The following SPATA17 variants were observed in gnomAD, a reference collection of about 807,000 sequenced individuals.
SPATA17 encodes the protein spermatogenesis associated 17.
Under a neutral mutation model 62.2 loss-of-function variants are expected in SPATA17, and 53 were observed. The observed-to-expected ratio is 0.85, with a 90% CI of 0.68 to 1.07. SPATA17 has a LOEUF of 1.07. Ranked by LOEUF, SPATA17 falls within the 50% of genes least tolerant of loss-of-function variation. The pLI is 0.00. For synonymous variants in SPATA17, 146 were observed against 146.8 expected (o/e 0.99, Z 0.04); for missense variants, 466 against 425.5 (o/e 1.10, Z -0.84).
intron 5 of SPATA17, among the ~76,000 whole-genome samples, chr1:217,729,867 T>TA (rs527852795): frequency 1.5e-3 from 227 of 152,230 alleles, no homozygotes; most frequent in African/African-American, 4.9e-3. Flanking sequence ...TCAAAATATT[T>TA]AAAAACAAAA....
intron 9 of SPATA17, among the ~76,000 whole-genome samples, chr1:217,860,586 A>C (rs1403349638): frequency 6.6e-6 from 1 of 152,116 alleles, no homozygotes; most frequent in Non-Finnish European, 1.5e-5. Flanking sequence ...CTTTATTACT[A>C]TATAATGCTC....
intron 5 of SPATA17, among the ~76,000 whole-genome samples, chr1:217,721,163 G>C (rs902775234): frequency 6.6e-6 from 1 of 152,070 alleles, no homozygotes; most frequent in Non-Finnish European, 1.5e-5. Context: ...GCTGGCACTG[G>C]CATGGGAGAG....
chr1:217,782,108 T>G, intron 7 of SPATA17, 66 bp from the exon 8 acceptor site: 1 of 1,449,408 alleles, frequency 6.9e-7, no homozygotes, highest in Non-Finnish European at 9.2e-7. Flanking sequence ...TTCACTAGCC[T>G]TGGTCATCAG....
At chr1:217,839,503 G>GT (rs1447515875) in intron 9 of SPATA17, among the ~76,000 whole-genome samples, 2 of 151,798 alleles carry the variant, frequency 1.3e-5, no homozygotes, top group East Asian at 3.9e-4. Context: ...TCTGTAATTG[G>GT]TTTTTTCCCT....
intron 9 of SPATA17, among the ~76,000 whole-genome samples, chr1:217,822,785 A>AT (rs35554409): frequency 1.3e-5 from 2 of 149,900 alleles, no homozygotes; most frequent in East Asian, 2.0e-4. Context: ...TCTGTTTTCT[A>AT]TTTTTTTTAT....
chr1:217,757,942 T>A (rs1673086841), intron 6 of SPATA17, among the ~76,000 whole-genome samples: 1 of 152,206 alleles, frequency 6.6e-6, no homozygotes, highest in African/African-American at 2.4e-5. Flanking sequence ...AATATTCTGG[T>A]TGATCTTCCA....
chr1:217,696,587 C>T (rs1300073791), intron 5 of SPATA17, among the ~76,000 whole-genome samples: 5 of 152,134 alleles, frequency 3.3e-5, no homozygotes, highest in African/African-American at 1.2e-4. Flanking sequence ...TATGTTGTTT[C>T]TTGTAAGATT....
chr1:217,748,021 T>A (rs1273833930), intron 6 of SPATA17, among the ~76,000 whole-genome samples: 1 of 152,138 alleles, frequency 6.6e-6, no homozygotes, highest in Non-Finnish European at 1.5e-5. Flanking sequence ...AAATTAAACT[T>A]GGCCGGGCGC....
chr1:217,703,563 A>G (rs1486908388), intron 5 of SPATA17, among the ~76,000 whole-genome samples: 1 of 152,218 alleles, frequency 6.6e-6, no homozygotes, highest in Non-Finnish European at 1.5e-5. Flanking sequence ...TAGTATCTTT[A>G]CATTTTTTTC....
At chr1:217,836,036 AC>A (rs1675252997) in intron 9 of SPATA17, among the ~76,000 whole-genome samples, 1 of 151,958 alleles carries the variant, frequency 6.6e-6, no homozygotes, top group African/African-American at 2.4e-5. Context: ...TTGCCTAGCC[AC>A]CCCTAAACTA....
chr1:217,726,324 A>C (rs1672256092), intron 5 of SPATA17, among the ~76,000 whole-genome samples: 1 of 152,200 alleles, frequency 6.6e-6, no homozygotes, highest in Admixed American at 6.5e-5. Context: ...GACCTTATTC[A>C]AAAGCTCTCA....
chr1:217,871,307 C>G lies in SPATA17; in HGVS notation c.*4288C>G, dbSNP rs1344918978. On this transcript the variant is annotated 3_prime_UTR_variant, in exon 11 of 11. Transcript: ENST00000366933. The stretch of plus-strand genomic sequence containing the variant: ...TCCCCTTTTTTGCTCTGTTTTTTCA[C>G]ATTTATGGCCTACCTGTTACAGCTG... 1 of 152,042 alleles carries G rather than the reference C, an allele frequency of 6.6e-6. No homozygotes were observed. Among genetic ancestry groups the G allele is most frequent in the Non-Finnish European group, 1.5e-5 (1 of 67,998 alleles). The allele number at this position is 152,042 out of a possible 1,614,324, so 9.4% of individuals were successfully genotyped here.
intron 3 of SPATA17, among the ~76,000 whole-genome samples, chr1:217,655,923 G>A (rs1301839850): frequency 1.3e-5 from 2 of 152,084 alleles, no homozygotes; most frequent in African/African-American, 2.4e-5. Context: ...GTATGTCAAT[G>A]GTATGGACAA....
intron 1 of SPATA17, among the ~76,000 whole-genome samples, chr1:217,636,414 T>C (rs1158990734): frequency 2.0e-5 from 3 of 151,908 alleles, no homozygotes; most frequent in Non-Finnish European, 4.4e-5. Flanking sequence ...ATTGACTTAT[T>C]ATTATTATTA....
intron 1 of SPATA17, among the ~76,000 whole-genome samples, chr1:217,640,379 A>C (rs1387382692): frequency 6.6e-6 from 1 of 151,604 alleles, no homozygotes; most frequent in East Asian, 1.9e-4. Context: ...GTAATAAATG[A>C]ACTTAACAAG....
At chr1:217,829,664 T>C in intron 9 of SPATA17, among the ~76,000 whole-genome samples, 1 of 136,332 alleles carries the variant, frequency 7.3e-6, no homozygotes, top group East Asian at 2.1e-4. Context: ...ATACTGCATT[T>C]ACTCACTTAT....
At chr1:217,794,323 G>A (rs75148785) in intron 8 of SPATA17, among the ~76,000 whole-genome samples, 1,527 of 152,098 alleles carry the variant, frequency 0.01, 16 homozygotes, top group Middle Eastern at 0.044. Context: ...TTTAAAAATC[G>A]TTTTGTTACA....
chr1:217,850,520 G>A (rs373350092), intron 9 of SPATA17: 44 of 1,568,942 alleles, frequency 2.8e-5, no homozygotes, highest in Middle Eastern at 1.7e-4. Context: ...TCTGCTGGTC[G>A]GGGAGGATGC....
intron 9 of SPATA17, among the ~76,000 whole-genome samples, chr1:217,827,684 A>G (rs1053936524): frequency 1.3e-5 from 2 of 152,196 alleles, no homozygotes; most frequent in African/African-American, 4.8e-5. Context: ...TATATACACC[A>G]TGGAATACCA....
Sources: allele counts gnomAD v4.1 joint callset (sites outside exome capture counted in the v4.1 genomes callset), GRCh38; gene constraint gnomAD v4.1.1; transcripts MANE v1.5; gene names NCBI Gene and HGNC (gene_info 2026-07-23, HGNC 2026-07-21).